ANK2: variants seen among roughly 807,000 people sequenced by gnomAD.
ANK2 encodes the protein ankyrin-2.
In ANK2, 83 loss-of-function variants were observed where a neutral mutation model predicts 360.5. That is an observed-to-expected ratio of 0.23 (90% confidence interval 0.19 to 0.28). ANK2 has a LOEUF of 0.28. Among genes scored for constraint, ANK2 ranks in the 10% least tolerant of loss-of-function variants. The pLI, the probability that ANK2 is intolerant of heterozygous loss-of-function variation, is 1.00. For synonymous variants in ANK2, 1,740 were observed against 1,759.5 expected (o/e 0.99, Z 0.28); for missense variants, 4,201 against 4,795.7 (o/e 0.88, Z 3.66).
intron 13 of ANK2, among the ~76,000 whole-genome samples, chr4:113,260,913 C>T (rs758507683): frequency 3.5e-4 from 53 of 152,294 alleles, no homozygotes; most frequent in Non-Finnish European, 7.1e-4. Flanking sequence ...CTAAAACACC[C>T]CACCCTTGGA....
In ANK2 at chr4:113,135,103, G is replaced by A. The variant is rs549646109; in HGVS notation, c.85-39313G>A. On this transcript the variant is annotated intron_variant, in intron 1 of 45. Coordinates refer to ENST00000357077, the MANE Select transcript of ANK2 (RefSeq NM_001148.6). The stretch of plus-strand genomic sequence containing the variant: ...ACAAGTAGAAAATGCACATCTTTCT[G>A]TGAGTATTTATTGTAGGCTGATAAC... Among the ~76,000 whole-genome samples the A allele has an allele frequency of 2.4e-4, 36 of 152,226 alleles. 1 individual carries two copies. The South Asian group carries it at 7.2e-3, about 31-fold the overall frequency.
At chr4:112,948,319 A>C (rs1210342069) in intron 2 of ANK2, among the ~76,000 whole-genome samples, 2 of 152,202 alleles carry the variant, frequency 1.3e-5, no homozygotes, top group African/African-American at 4.8e-5. Flanking sequence ...TATCTTGAAC[A>C]TGTCTGCTTT....
At chr4:112,934,653 A>G (rs1581443808) in intron 2 of ANK2, among the ~76,000 whole-genome samples, 2 of 152,330 alleles carry the variant, frequency 1.3e-5, no homozygotes, top group East Asian at 1.9e-4. Flanking sequence ...TTAATTTATA[A>G]TAACTATTGA....
rs2153983163 is a variant in ANK2, at chr4:113,343,017, G to A, written c.4123G>A (p.Val1375Met). Residue 1375 changes from valine (V) to methionine (M), a missense_variant and splice_region_variant, in exon 34 of 46, where the codon GTG (valine) becomes ATG (methionine). Transcript: ENST00000357077. ...GTTATTTCTCTCTGTTTTCACTCAG[G>A]TGTTAGAAGGAAAACCCATCTACGT... is the stretch of plus-strand genomic sequence containing the variant. ...AEVARSRDVE[V>M]LEGKPIYVDC... 6.2e-7 allele frequency: 1 copy of A among 1,613,850 alleles called. No individual in the cohort carries two copies. Among genetic ancestry groups the A allele is most frequent in the Non-Finnish European group, 8.5e-7 (1 of 1,179,890 alleles).
chr4:113,108,944 CT>C (rs1406714059), intron 1 of ANK2, among the ~76,000 whole-genome samples: 1 of 152,158 alleles, frequency 6.6e-6, no homozygotes, highest in Middle Eastern at 3.2e-3. Flanking sequence ...TTGCAATTCT[CT>C]GTTAAGATTT....
At chr4:112,934,465 T>C (rs2093558961) in intron 2 of ANK2, among the ~76,000 whole-genome samples, 1 of 152,340 alleles carries the variant, frequency 6.6e-6, no homozygotes, top group African/African-American at 2.4e-5. Context: ...TCCGGTCTCC[T>C]AATTCCTTTC....
intron 2 of ANK2, among the ~76,000 whole-genome samples, chr4:112,926,387 A>T (rs757037785): frequency 3.3e-5 from 5 of 152,182 alleles, no homozygotes; most frequent in African/African-American, 1.2e-4. Context: ...CTTCTCCCAC[A>T]TGTTGATAGT....
chr4:113,172,191 A>G lies in ANK2; in HGVS notation c.85-2225A>G, dbSNP rs142581304. ...ATAGAGGGGTGATAGTTGTGAGGGT[A>G]GGGATGGCAGTCAAGAATTTTCTCT... On this transcript the variant is annotated intron_variant, in intron 1 of 45. Coordinates refer to ENST00000357077, the MANE Select transcript of ANK2 (RefSeq NM_001148.6). Among the ~76,000 whole-genome samples the G allele has an allele frequency of 2.4e-3, 372 of 152,268 alleles. 1 individual carries two copies. The highest frequency in any genetic ancestry group is 8.7e-3 in the African/African-American group (360 of 41,542).
At chr4:112,933,252 A>G (rs146568066) in intron 2 of ANK2, among the ~76,000 whole-genome samples, 2 of 152,330 alleles carry the variant, frequency 1.3e-5, no homozygotes, top group East Asian at 3.9e-4. Context: ...AGACAATGTT[A>G]TTAATTGTTA....
intron 41 of ANK2, among the ~76,000 whole-genome samples, chr4:113,365,590 TC>T (rs942450669): frequency 2.6e-5 from 4 of 152,080 alleles, no homozygotes; most frequent in African/African-American, 9.7e-5. Flanking sequence ...CTCGGGGACC[TC>T]CAGCCATTGG....
At chr4:113,361,020 A>C in intron 39 of ANK2, 123 bp downstream of exon 39, 7 of 875,212 alleles carry the variant, frequency 8.0e-6, no homozygotes, top group Non-Finnish European at 1.3e-5. Flanking sequence ...AGAAGAATAA[A>C]CTAAGAACTA....
chr4:113,163,979 C>T (rs899234413), intron 1 of ANK2, among the ~76,000 whole-genome samples: 1 of 152,088 alleles, frequency 6.6e-6, no homozygotes, highest in South Asian at 2.1e-4. Context: ...TTCTCTACCC[C>T]CTCCCCCTTG....
chr4:113,303,537 T>C (rs1315843171), intron 23 of ANK2, among the ~76,000 whole-genome samples: 1 of 152,146 alleles, frequency 6.6e-6, no homozygotes, highest in Admixed American at 6.6e-5. Context: ...GAGCTGGAGA[T>C]GGGCCAGCTG....
intron 45 of ANK2, among the ~76,000 whole-genome samples, chr4:113,378,557 A>G (rs116223040): frequency 0.025 from 3,880 of 152,340 alleles, 171 homozygotes; most frequent in African/African-American, 0.087. Context: ...GTGACCAGCT[A>G]TATTCAGCTC....
chr4:112,736,775 C>G, the ANK2 span, among the ~76,000 whole-genome samples: 1 of 152,152 alleles, frequency 6.6e-6, no homozygotes, highest in African/African-American at 2.4e-5. Context: ...CTCCTAAACA[C>G]TGGTTGGGGG....
At chr4:113,332,767 A>C (rs2092762319) in intron 28 of ANK2, among the ~76,000 whole-genome samples, 1 of 152,228 alleles carries the variant, frequency 6.6e-6, no homozygotes, top group Non-Finnish European at 1.5e-5. Context: ...TTTTGGTTAA[A>C]TGTGTTCTAC....
intron 2 of ANK2, among the ~76,000 whole-genome samples, chr4:112,948,973 G>A (rs1432516496): frequency 6.6e-6 from 1 of 152,086 alleles, no homozygotes; most frequent in African/African-American, 2.4e-5. Flanking sequence ...CTTCTCTGAT[G>A]CCACTGGAGT....
At chr4:113,322,869 T>G (rs1260923445) in intron 26 of ANK2, among the ~76,000 whole-genome samples, 1 of 152,214 alleles carries the variant, frequency 6.6e-6, no homozygotes, top group East Asian at 1.9e-4. Context: ...TGTACGGCAG[T>G]TAAGTTAGTT....
rs114351601 is a variant in ANK2 at position 113,065,549 on chromosome 4, G to T, written c.84+15737G>T. The stretch of plus-strand genomic sequence containing the variant: ...AAGCACCTTGGCCAGAATCATGTAC[G>T]TAGTTAGTGGCAGACACGGGCCTAG... On this transcript the variant is annotated intron_variant, in intron 1 of 45. Coordinates refer to ENST00000357077, the MANE Select transcript of ANK2 (RefSeq NM_001148.6). Among the ~76,000 whole-genome samples, 933 of 152,278 alleles carry T rather than the reference G, an allele frequency of 6.1e-3. 12 individuals are homozygous for T. Among genetic ancestry groups the T allele is most frequent in the African/African-American group, 0.018 (737 of 41,560 alleles).
Sources: allele counts gnomAD v4.1 joint callset (sites outside exome capture counted in the v4.1 genomes callset), GRCh38; gene constraint gnomAD v4.1.1; transcripts MANE v1.5; gene names NCBI Gene and HGNC (gene_info 2026-07-23, HGNC 2026-07-21).